Variants in PLEC observed in about 807,000 individuals in gnomAD.
The protein encoded by PLEC is plectin, also known as hemidesmosomal protein 1.
In PLEC, 216 loss-of-function variants were observed where a neutral mutation model predicts 392.8. The ratio of observed to expected loss-of-function variants is 0.55; its 90% confidence interval spans 0.49 to 0.62. PLEC has a LOEUF of 0.62. Among genes scored for constraint, PLEC ranks in the 20% least tolerant of loss-of-function variants. The pLI is 0.00. For missense variants in PLEC, 6,863 were observed against 6,563.4 expected, an observed-to-expected ratio of 1.05 and a Z score of -1.58; for synonymous variants, 3,621 against 2,980.6, an observed-to-expected ratio of 1.21 and a Z score of -7.00.
intron 30 of PLEC, among the ~76,000 whole-genome samples, chr8:143,926,475 G>A (rs376471051): frequency 6.6e-6 from 1 of 152,234 alleles, no homozygotes; most frequent in African/African-American, 2.4e-5. Flanking sequence ...TGAGCGGAAA[G>A]GCCAACGCAG....
chr8:143,935,739 T>A (rs1339714699), intron 6 of PLEC, 109 bp downstream of exon 6: 1 of 1,244,430 alleles, frequency 8.0e-7, no homozygotes, highest in African/African-American at 1.5e-5. Context: ...CTGGCACTCA[T>A]CCCTGTTCCT....
At position 143,923,661 on chromosome 8, in the gene PLEC, C is replaced by G; in HGVS notation, c.6268G>C (p.Ala2090Pro). The G allele has an allele frequency of 6.4e-7, 1 of 1,563,930 alleles. No homozygotes were observed. The highest frequency in any genetic ancestry group is 1.1e-5 in the South Asian group (1 of 87,398). The change falls in exon 31 of 32, where the codon GCT becomes CCT. Residue 2090 changes from alanine to proline, a missense_variant. Coordinates refer to ENST00000345136, the MANE Select transcript of PLEC (RefSeq NM_201384.3). Reference sequence around the variant, plus strand: ...ACCCGGGCCTCCTCCGCCTCCTCAGCCGCCCGCCGGGCCGCCTCCGCCTCG... The same window carrying G: ...ACCCGGGCCTCCTCCGCCTCCTCAGGCGCCCGCCGGGCCGCCTCCGCCTCG... ...RGEAEAARRA[A>P]EEAEEARVQA...
At chr8:143,926,712 T>C (rs2131561863) in intron 30 of PLEC, 72 bp downstream of exon 30, 4 of 1,276,790 alleles carry the variant, frequency 3.1e-6, no homozygotes, top group East Asian at 2.3e-5. Flanking sequence ...AGGCAGCTCC[T>C]GTGGCTGTGT....
At chr8:143,943,447 T>C (rs564058429), upstream of PLEC, among the ~76,000 whole-genome samples, 136 of 152,312 alleles carry the variant, frequency 8.9e-4, 1 homozygote, top group South Asian at 4.6e-3. Flanking sequence ...TCCACCTCAG[T>C]GCTGGCCGGA....
chr8:143,975,448 C>T (rs1554745816), upstream of PLEC: 1 of 1,282,688 alleles, frequency 7.8e-7, no homozygotes, highest in Non-Finnish European at 1.1e-6. The surrounding 1 kb of genome is among the most constrained non-coding windows in gnomAD (Gnocchi z 9.9). Context: ...CCACCCACCA[C>T]CTTCTTAACC....
upstream of PLEC, chr8:143,950,954 C>T: frequency 1.4e-6 from 1 of 722,062 alleles, no homozygotes; most frequent in East Asian, 3.2e-5. Flanking sequence ...CTCCAGGACG[C>T]CGGGCCGGCC....
chr8:143,952,908 G>A (rs1001119200), upstream of PLEC, among the ~76,000 whole-genome samples: 29 of 151,996 alleles, frequency 1.9e-4, no homozygotes, highest in Admixed American at 1.0e-3. Context: ...CAGGCGGGAA[G>A]GGAAGCCGCA....
upstream of PLEC, chr8:143,975,263 G>C (rs377391128): frequency 6.2e-7 from 1 of 1,608,846 alleles, no homozygotes; most frequent in East Asian, 2.2e-5. This position sits in a 1 kb window ranked among gnomAD's most constrained non-coding sequence, Gnocchi z 9.9. Context: ...GCTCCGCTGC[G>C]TTTTCCCAAG....
upstream of PLEC, among the ~76,000 whole-genome samples, chr8:143,958,024 C>T (rs782683301): frequency 3.2e-4 from 48 of 152,330 alleles, no homozygotes; most frequent in Admixed American, 9.8e-4. The surrounding 1 kb of genome is among the most constrained non-coding windows in gnomAD (Gnocchi z 4.9). Context: ...AGCACACACT[C>T]AGCCCTCCGG....
intron 1 of PLEC, among the ~76,000 whole-genome samples, chr8:143,967,076 G>A (rs1361933665): frequency 2.0e-5 from 3 of 152,136 alleles, no homozygotes; most frequent in Non-Finnish European, 4.4e-5. Flanking sequence ...ACCACAGACA[G>A]AATTAGGCCA....
chr8:143,975,105 C>T (rs1554745570), upstream of PLEC: 3 of 1,517,598 alleles, frequency 2.0e-6, no homozygotes, highest in South Asian at 2.2e-5. The surrounding 1 kb of genome is among the most constrained non-coding windows in gnomAD (Gnocchi z 9.9). Context: ...CGCTCCAGCG[C>T]CTAGCACGCA....
At position 143,923,691 on chromosome 8, in the gene PLEC, G is replaced by T. The variant is rs868963575; in HGVS notation, c.6238C>A (p.Arg2080Ser). ...CGCCGGGCCGCCTCCGCCTCGCCGC[G>T]CAGCTGGTCCAGCACGCTCTGCTCC... ...QQEQSVLDQL[R>S]GEAEAARRAA... Residue 2080 changes from arginine (R) to serine (S), a missense_variant, in exon 31 of 32, where the codon CGC (arginine) becomes AGC (serine). Arg to Ser is a moderately radical substitution (Grantham distance 110). Transcript: ENST00000345136. 6.5e-7 allele frequency: 1 copy of T among 1,546,034 alleles called. No homozygotes were observed. The highest frequency in any genetic ancestry group is 8.7e-7 in the Non-Finnish European group (1 of 1,151,974).
chr8:143,923,160 G>A lies in PLEC; in HGVS notation c.6769C>T (p.Arg2257Cys), dbSNP rs782680911. The change falls in exon 31 of 32, where the codon CGT becomes TGT. Residue 2257 changes from arginine to cysteine, a missense_variant. By Grantham distance (180) the Arg-to-Cys change is radical. Coordinates refer to ENST00000345136, the MANE Select transcript of PLEC (RefSeq NM_201384.3). ...AAGCGCTGCGTATTGTCCTTGTCAC[G>A]CAAGATGAGTGCGCGGTTCTCAGCC... ...IEAENRALIL[R>C]DKDNTQRFLQ... 6.1e-5 allele frequency: 98 copies of A among 1,602,542 alleles called. No homozygotes were observed. The highest frequency in any genetic ancestry group is 7.7e-5 in the Non-Finnish European group (91 of 1,179,888).
chr8:143,929,314 A>G (rs782510834), intron 24 of PLEC, 33 bp from the exon 25 acceptor site: 1 of 1,587,068 alleles, frequency 6.3e-7, no homozygotes, highest in South Asian at 1.1e-5. Context: ...CGCACTCATC[A>G]CCGAGCGCAG....
At position 143,917,829 on chromosome 8, in the gene PLEC, G is replaced by T. The variant is rs2130875727; in HGVS notation, c.11992C>A (p.Pro3998Thr). The T allele has an allele frequency of 6.2e-7, 1 of 1,613,356 alleles. No individual in the cohort carries two copies. The highest frequency in any genetic ancestry group is 1.1e-5 in the South Asian group (1 of 91,088). Residue 3998 changes from proline (P) to threonine (T), a missense_variant, in exon 32 of 32, where the codon CCC becomes ACC. Coordinates refer to ENST00000345136, the MANE Select transcript of PLEC (RefSeq NM_201384.3). ...GACAGCAGCTTGTCCTTGAACTCGG[G>T]GCCCACAATGCCCATACGCACAGCC... ...EEAVRMGIVGPEFKDKLLSAE... is the reference protein window; with the variant it reads ...EEAVRMGIVGTEFKDKLLSAE...
rs1201904434 is a variant in PLEC at position 143,969,014 on chromosome 8, C to T, written c.70+4389G>A. Among the ~76,000 whole-genome samples, 2 of 152,254 alleles carry T rather than the reference C, an allele frequency of 1.3e-5. No individual in the cohort carries two copies. Among genetic ancestry groups the T allele is most frequent in the African/African-American group, 4.8e-5 (2 of 41,542 alleles). ...AGCAATTCCACTCCTAGGTATCTAC[C>T]CAGCAGAAATAAAAAACATACGACC... On this transcript the variant is annotated intron_variant, in intron 1 of 31. Transcript: ENST00000356346. The surrounding 1 kb of genome is among the most constrained non-coding windows in gnomAD (Gnocchi z 5.1).
chr8:143,919,395 CGAT>C lies in PLEC; in HGVS notation c.10423_10425del (p.Ile3475del), dbSNP rs2130990107. 4 of 1,613,504 alleles carry C rather than the reference CGAT, an allele frequency of 2.5e-6. No homozygotes were observed. The highest frequency in any genetic ancestry group is 2.5e-6 in the Non-Finnish European group (3 of 1,179,962). ...GGCACGCGGTGGCTGTGCACGGGGT[CGAT>C]GATGCCGCCCGTGGCGATCTGGGCC... On this transcript the variant is annotated inframe_deletion, in exon 32 of 32. Transcript: ENST00000345136.
intron 1 of PLEC, 130 bp downstream of exon 1, chr8:143,939,220 C>G: frequency 7.8e-7 from 1 of 1,283,146 alleles, no homozygotes; most frequent in Non-Finnish European, 1.1e-6. Flanking sequence ...GTGGGGATGG[C>G]TGGCCCCCGA....
At position 143,922,993 on chromosome 8, in the gene PLEC, G is replaced by A. The variant is rs782257264; in HGVS notation, c.6936C>T (p.Leu2312=). The A allele has an allele frequency of 3.1e-6, 5 of 1,611,656 alleles. No homozygotes were observed. The highest frequency in any genetic ancestry group is 2.7e-5 in the African/African-American group (2 of 74,914). ...CCTGCACCGCCTGCATCTTCTCCTT[G>A]AGCATCTTCTCTGCCAAGGCCCGCT... ...AQQRALAEKM[L]KEKMQAVQEA... is the part of the protein sequence containing the mutation. The change falls in exon 31 of 32, where the codon CTC becomes CTT. Residue 2312 remains leucine, a synonymous_variant. Coordinates refer to ENST00000345136, the MANE Select transcript of PLEC (RefSeq NM_201384.3).
Sources: gnomAD v4.1 joint callset for allele counts (sites outside exome capture counted in the v4.1 genomes callset) on GRCh38, gnomAD v4.1.1 for gene constraint, Gnocchi (gnomAD v3.1) non-coding constraint, MANE v1.5 for transcripts, NCBI Gene and HGNC (gene_info 2026-07-23, HGNC 2026-07-21) for gene names.